PARD3B: variants seen among roughly 807,000 people sequenced by gnomAD.
The protein encoded by PARD3B is partitioning defective 3 homolog B.
PARD3B carries 103 observed loss-of-function variants against 130.2 expected under a neutral mutation model. That is an observed-to-expected ratio of 0.79 (90% confidence interval 0.67 to 0.93). The LOEUF is 0.93. Among genes scored for constraint, PARD3B ranks in the 40% least tolerant of loss-of-function variants. PARD3B has a pLI of 0.00. For missense variants in PARD3B, 1,609 were observed against 1,499.2 expected, an observed-to-expected ratio of 1.07 and a Z score of -1.21; for synonymous variants, 583 against 553.2, an observed-to-expected ratio of 1.05 and a Z score of -0.76.
intron 3 of PARD3B, among the ~76,000 whole-genome samples, chr2:204,977,683 G>C (rs374630700): frequency 6.6e-6 from 1 of 151,960 alleles, no homozygotes; most frequent in Non-Finnish European, 1.5e-5. Context: ...ATGGTGGCGG[G>C]CGCCTGTAGT....
At chr2:205,248,246 C>A (rs1215406430) in intron 16 of PARD3B, among the ~76,000 whole-genome samples, 1 of 151,952 alleles carries the variant, frequency 6.6e-6, no homozygotes, top group Non-Finnish European at 1.5e-5. Context: ...CCTGGCCACT[C>A]CCCCAATTTT....
chr2:205,520,093 C>T (rs1346757868), intron 21 of PARD3B, among the ~76,000 whole-genome samples: 1 of 152,066 alleles, frequency 6.6e-6, no homozygotes, highest in Non-Finnish European at 1.5e-5. Flanking sequence ...TGTTTTTGTT[C>T]CTCCCCTAAC....
intron 15 of PARD3B, among the ~76,000 whole-genome samples, chr2:205,220,474 C>A (rs903174586): frequency 1.2e-4 from 18 of 152,172 alleles, no homozygotes; most frequent in Admixed American, 1.0e-3. Context: ...TGCCTCATTA[C>A]CAACTTTCAA....
intron 2 of PARD3B, among the ~76,000 whole-genome samples, chr2:204,923,079 T>A (rs1388940040): frequency 6.6e-6 from 1 of 152,102 alleles, no homozygotes; most frequent in Non-Finnish European, 1.5e-5. Context: ...TATGTGTGAC[T>A]CAGATTTTGA....
At chr2:205,416,379 A>C (rs1312630240) in intron 19 of PARD3B, among the ~76,000 whole-genome samples, 1 of 152,216 alleles carries the variant, frequency 6.6e-6, no homozygotes, top group African/African-American at 2.4e-5. Flanking sequence ...TAAATGAATG[A>C]TTACATACTA....
At chr2:204,729,860 T>C (rs191888275) in intron 2 of PARD3B, among the ~76,000 whole-genome samples, 2 of 152,266 alleles carry the variant, frequency 1.3e-5, no homozygotes, top group African/African-American at 2.4e-5. Context: ...ATTTTAACTC[T>C]GAAAAAGTGA....
chr2:204,936,343 A>G (rs1481564740), intron 2 of PARD3B, among the ~76,000 whole-genome samples: 8 of 152,234 alleles, frequency 5.3e-5, no homozygotes, highest in Non-Finnish European at 8.8e-5. Flanking sequence ...GTTTGAAAAC[A>G]GTACATTACT....
chr2:204,942,497 T>A (rs913207676), intron 2 of PARD3B, among the ~76,000 whole-genome samples: 31 of 152,180 alleles, frequency 2.0e-4, no homozygotes, highest in African/African-American at 7.0e-4. Flanking sequence ...GAAACATTTC[T>A]GAATTCTGAA....
intron 20 of PARD3B, among the ~76,000 whole-genome samples, chr2:205,484,627 T>C (rs932881019): frequency 6.6e-6 from 1 of 152,214 alleles, no homozygotes; most frequent in Non-Finnish European, 1.5e-5. Context: ...AAAAGACTGT[T>C]GCTAATAAAG....
intron 4 of PARD3B, among the ~76,000 whole-genome samples, chr2:205,051,381 A>G (rs1463458353): frequency 2.0e-5 from 3 of 152,212 alleles, no homozygotes; most frequent in African/African-American, 7.2e-5. Context: ...AAAACAATCA[A>G]AATTTCCATC....
At chr2:205,031,737 G>A (rs747729089) in intron 3 of PARD3B, among the ~76,000 whole-genome samples, 10 of 152,140 alleles carry the variant, frequency 6.6e-5, no homozygotes, top group Non-Finnish European at 1.3e-4. Context: ...ATGGGCTTGT[G>A]ACATAGGCTA....
chr2:204,660,287 C>T (rs958235708), intron 1 of PARD3B, among the ~76,000 whole-genome samples: 2 of 151,862 alleles, frequency 1.3e-5, no homozygotes, highest in African/African-American at 4.8e-5. Flanking sequence ...TGCAATTAAC[C>T]ACCTCCTTCT....
At chr2:204,871,519 T>A (rs72940411) in intron 2 of PARD3B, among the ~76,000 whole-genome samples, 2,028 of 152,242 alleles carry the variant, frequency 0.013, 16 homozygotes, top group Middle Eastern at 0.034. Context: ...TTCTAATCCC[T>A]TCTCACGTTA....
chr2:204,881,595 A>G (rs1042842874), intron 2 of PARD3B, among the ~76,000 whole-genome samples: 6 of 152,198 alleles, frequency 3.9e-5, no homozygotes, highest in African/African-American at 1.4e-4. Flanking sequence ...AAAAAGAAGA[A>G]TTGCTGAACT....
chr2:205,002,102 A>G (rs779831351), intron 3 of PARD3B, among the ~76,000 whole-genome samples: 64 of 152,280 alleles, frequency 4.2e-4, no homozygotes, highest in Non-Finnish European at 5.9e-4. Flanking sequence ...TAAAAACCCA[A>G]CTGCCTGTCA....
chr2:204,548,670 A>G (rs112687670), intron 1 of PARD3B, among the ~76,000 whole-genome samples: 1,525 of 152,328 alleles, frequency 0.01, 22 homozygotes, highest in African/African-American at 0.036. Flanking sequence ...ACCTAAAAAT[A>G]GCAATTTTGC....
intron 2 of PARD3B, among the ~76,000 whole-genome samples, chr2:204,880,657 CAAAAAAAA>C (rs746023895): frequency 7.2e-5 from 4 of 55,466 alleles, no homozygotes; most frequent in Non-Finnish European, 8.0e-5. Flanking sequence ...GACTCCATCT[CAAAAAAAA>C]AAAAAAAAAA....
intron 2 of PARD3B, among the ~76,000 whole-genome samples, chr2:204,857,854 C>T (rs967586387): frequency 3.3e-5 from 5 of 152,094 alleles, no homozygotes; most frequent in African/African-American, 1.2e-4. Flanking sequence ...TCTCAAATGT[C>T]AAGATGACAT....
chr2:204,545,548 C>T lies in PARD3B; in HGVS notation c.-452C>T, dbSNP rs963255163. On this transcript the variant is annotated 5_prime_UTR_variant, in exon 1 of 23. Transcript: ENST00000406610. Reference sequence around the variant, plus strand: ...GCAAAAGTTTCCTCCCAACTCTGGCCCCGTGCGCCGCCGCCGCCGCCGCCC... The same window carrying T: ...GCAAAAGTTTCCTCCCAACTCTGGCTCCGTGCGCCGCCGCCGCCGCCGCCC... Among the ~76,000 whole-genome samples, 20 of 152,004 alleles carry T rather than the reference C, an allele frequency of 1.3e-4. No homozygotes were observed. Among genetic ancestry groups the T allele is most frequent in the African/African-American group, 3.9e-4 (16 of 41,422 alleles).
Sources: allele counts gnomAD v4.1 joint callset (sites outside exome capture counted in the v4.1 genomes callset), GRCh38; gene constraint gnomAD v4.1.1; transcripts MANE v1.5; gene names NCBI Gene and HGNC (gene_info 2026-07-23, HGNC 2026-07-21).